The following ILRUN variants were observed in gnomAD, a reference collection of about 807,000 sequenced individuals.
ILRUN encodes the protein inflammation and lipid regulator with UBA-like and NBR1-like domains, also known as protein ILRUN.
A neutral mutation model predicts 33.8 loss-of-function variants in ILRUN; 3 were observed. That is an observed-to-expected ratio of 0.09 (90% confidence interval 0.04 to 0.23). The LOEUF (loss-of-function observed/expected upper bound fraction) is 0.23. Ranked by LOEUF, ILRUN falls within the 10% of genes least tolerant of loss-of-function variation. The probability of loss-of-function intolerance (pLI) is 1.00; values close to 1 mark genes in which losing one functional copy is unlikely to be tolerated. For synonymous variants in ILRUN, 124 were observed against 138.9 expected (o/e 0.89, Z 0.75); for missense variants, 210 against 375.1 (o/e 0.56, Z 3.64).
At chr6:34,621,774 A>G (rs1415229794) in intron 3 of ILRUN, among the ~76,000 whole-genome samples, 4 of 152,090 alleles carry the variant, frequency 2.6e-5, no homozygotes, top group African/African-American at 9.7e-5. Flanking sequence ...GGGCAGGAGA[A>G]TCACTTGAAC....
At position 34,631,241 on chromosome 6, in the gene ILRUN, T is replaced by A. The variant is rs9469828; in HGVS notation, c.511+15360A>T. On this transcript the variant is annotated intron_variant, in intron 3 of 4. Transcript: ENST00000374023. Reference sequence around the variant, plus strand: ...AGTAAAGAAGCCAGTAGTAATGTAATGGTAAGGTGTGATTAGGTTTCAGTC... The same window carrying A: ...AGTAAAGAAGCCAGTAGTAATGTAAAGGTAAGGTGTGATTAGGTTTCAGTC... Among the ~76,000 whole-genome samples, 1,155 of 152,134 alleles carry A rather than the reference T, an allele frequency of 7.6e-3. 13 individuals carry two copies. The highest frequency in any genetic ancestry group is 0.025 in the African/African-American group (1,037 of 41,508).
intron 1 of ILRUN, among the ~76,000 whole-genome samples, chr6:34,693,362 AT>A (rs545393247): frequency 1.3e-5 from 2 of 151,248 alleles, no homozygotes; most frequent in Non-Finnish European, 2.9e-5. Flanking sequence ...GCCAGAACAC[AT>A]TTTTTTTTCC....
intron 4 of ILRUN, among the ~76,000 whole-genome samples, chr6:34,591,580 A>G (rs1465966712): frequency 1.3e-5 from 2 of 150,096 alleles, no homozygotes; most frequent in African/African-American, 4.9e-5. Flanking sequence ...GTTCACTGCG[A>G]GCTCCGCCTA....
intron 1 of ILRUN, among the ~76,000 whole-genome samples, chr6:34,691,921 C>T (rs529655714): frequency 1.3e-5 from 2 of 152,238 alleles, no homozygotes; most frequent in East Asian, 3.9e-4. Flanking sequence ...ATGACAAATT[C>T]TTACTTTTGA....
intron 3 of ILRUN, among the ~76,000 whole-genome samples, chr6:34,640,073 T>A (rs1762439104): frequency 6.6e-6 from 1 of 151,942 alleles, no homozygotes; most frequent in African/African-American, 2.4e-5. Flanking sequence ...AGATAAAATG[T>A]TAGGGCTTGA....
chr6:34,653,170 G>GAAA (rs370883199), intron 2 of ILRUN, among the ~76,000 whole-genome samples: 10 of 141,406 alleles, frequency 7.1e-5, no homozygotes, highest in African/African-American at 2.4e-4. Flanking sequence ...AAGAAAGAAA[G>GAAA]AAAAAAAATT....
At position 34,687,708 on chromosome 6, in the gene ILRUN, A is replaced by AAAT. The variant is rs1554190347; in HGVS notation, c.158+8737_158+8738insATT. The stretch of plus-strand genomic sequence containing the variant: ...GCAAGACTCCATCTCCAAAAAAAAA[A>AAAT]ATATATATATATATATATTTATAAA... On this transcript the variant is annotated intron_variant, in intron 1 of 4. Transcript: ENST00000374023. Among the ~76,000 whole-genome samples the AAAT allele has an allele frequency of 6.3e-4, 91 of 143,324 alleles. 1 individual carries two copies. The highest frequency in any genetic ancestry group is 1.7e-3 in the African/African-American group (64 of 37,768). 94.0% of individuals were successfully genotyped at this position (143,324 alleles called of 152,430 possible). A position where few individuals can be genotyped will look rare whatever the true frequency, so the allele number is the denominator to read the frequency against.
In ILRUN at chr6:34,654,786, A is replaced by T. The variant is rs1762737308; in HGVS notation, c.159-7T>A. On this transcript the variant is annotated splice_polypyrimidine_tract_variant and splice_region_variant and intron_variant, in intron 1 of 4. Transcript: ENST00000374023. ...AATTGCTGCTTGTAGGTTCCTATAG[A>T]AAAAGAGAAAAGGCAACAGACTTCA... 1.9e-6 allele frequency: 3 copies of T among 1,585,630 alleles called. No individual in the cohort carries two copies. Among genetic ancestry groups the T allele is most frequent in the Non-Finnish European group, 2.6e-6 (3 of 1,163,398 alleles).
At chr6:34,641,468 G>T (rs987207169) in intron 3 of ILRUN, among the ~76,000 whole-genome samples, 4 of 152,116 alleles carry the variant, frequency 2.6e-5, no homozygotes, top group Non-Finnish European at 5.9e-5. Context: ...GCAGATAAAG[G>T]TTGGCAAACT....
intron 3 of ILRUN, among the ~76,000 whole-genome samples, chr6:34,611,701 T>C (rs1398400444): frequency 2.0e-5 from 3 of 152,210 alleles, no homozygotes; most frequent in East Asian, 1.9e-4. Flanking sequence ...CCATCTGTTA[T>C]AATAAAACCA....
At chr6:34,679,733 AG>A (rs1479241917) in intron 1 of ILRUN, among the ~76,000 whole-genome samples, 1 of 152,220 alleles carries the variant, frequency 6.6e-6, no homozygotes, top group Admixed American at 6.5e-5. Context: ...AGATGTAATC[AG>A]TTAAGATGAG....
intron 3 of ILRUN, among the ~76,000 whole-genome samples, chr6:34,629,999 C>T (rs950517802): frequency 6.6e-6 from 1 of 152,124 alleles, no homozygotes; most frequent in African/African-American, 2.4e-5. Context: ...TTAACAATAA[C>T]TGATAATAAA....
intron 3 of ILRUN, among the ~76,000 whole-genome samples, chr6:34,635,676 G>A (rs796242377): frequency 9.4e-5 from 14 of 148,418 alleles, no homozygotes; most frequent in Non-Finnish European, 1.3e-4. Flanking sequence ...ATGCAATGGC[G>A]CGATTTCGCC....
At chr6:34,621,149 A>T (rs1198646289) in intron 3 of ILRUN, among the ~76,000 whole-genome samples, 1 of 152,242 alleles carries the variant, frequency 6.6e-6, no homozygotes, top group African/African-American at 2.4e-5. Flanking sequence ...CAAACCAAAT[A>T]TTTAATTCTT....
intron 1 of ILRUN, among the ~76,000 whole-genome samples, chr6:34,682,021 C>CTTTTTTTTTTTTTTT (rs1377020252): frequency 1.9e-4 from 25 of 130,048 alleles, no homozygotes; most frequent in African/African-American, 3.0e-4. Context: ...CCCACTAATT[C>CTTTTTTTTTTTTTTT]TTATATTTTT....
chr6:34,616,086 C>T (rs762012276), intron 3 of ILRUN, among the ~76,000 whole-genome samples: 4 of 152,212 alleles, frequency 2.6e-5, no homozygotes, highest in East Asian at 1.9e-4. Flanking sequence ...AAAAATCTAA[C>T]GTACATGGAC....
rs1383524805 is a variant in ILRUN, at chr6:34,696,550, G to C, written c.54C>G (p.Cys18Trp). 6.2e-7 allele frequency: 1 copy of C among 1,613,148 alleles called. No individual in the cohort carries two copies. The highest frequency in any genetic ancestry group is 1.1e-5 in the South Asian group (1 of 91,050). Residue 18 changes from cysteine to tryptophan, a missense_variant, in exon 1 of 5, where the codon TGC becomes TGG. Coordinates refer to ENST00000374023, the MANE Select transcript of ILRUN (RefSeq NM_024294.4). ...GCACGTCCTTGTCGGTGGTGCCCAG[G>C]CAGCTGAACTTCTGCATCAGCTCCG... ...LDPELMQKFS[C>W]LGTTDKDVLI...
intron 3 of ILRUN, among the ~76,000 whole-genome samples, chr6:34,628,311 G>A (rs954981940): frequency 3.3e-5 from 5 of 151,258 alleles, no homozygotes; most frequent in African/African-American, 9.8e-5. Context: ...ATGAGTCACT[G>A]AGCCTAGCCT....
Position 34,683,122 on chromosome 6 carries a change from AT to A in ILRUN, c.158+13323del, listed in dbSNP as rs545032811. Among the ~76,000 whole-genome samples the A allele has an allele frequency of 2.3e-4, 34 of 149,398 alleles. No individual in the cohort carries two copies. The South Asian group carries it at 5.2e-3, about 23-fold the overall frequency. On this transcript the variant is annotated intron_variant, in intron 1 of 4. Coordinates refer to ENST00000374023, the MANE Select transcript of ILRUN (RefSeq NM_024294.4). ...ACCTTTTTGACCCTGTCTCAAAAAA[AT>A]ATATATATACACACACACACATATA... is the stretch of plus-strand genomic sequence containing the variant.
Sources: allele counts gnomAD v4.1 joint callset (sites outside exome capture counted in the v4.1 genomes callset), GRCh38; gene constraint gnomAD v4.1.1; transcripts MANE v1.5; gene names NCBI Gene and HGNC (gene_info 2026-07-23, HGNC 2026-07-21).